AVEN: variants seen among roughly 807,000 people sequenced by gnomAD.
AVEN encodes the protein apoptosis and caspase activation inhibitor, also known as cell death regulator Aven.
In AVEN, 41 loss-of-function variants were observed where a neutral mutation model predicts 38.1. The observed-to-expected ratio is 1.08, with a 90% CI of 0.84 to 1.40. The LOEUF (loss-of-function observed/expected upper bound fraction) is 1.40. Among genes scored for constraint, AVEN ranks in the 40% most tolerant of loss-of-function variants. The probability of loss-of-function intolerance (pLI) is 0.00; values close to 1 mark genes in which losing one functional copy is unlikely to be tolerated. For missense variants in AVEN, 605 were observed against 438.8 expected (o/e 1.38, Z -3.38); for synonymous variants, 206 against 171.8 (o/e 1.20, Z -1.56).
intron 2 of AVEN, among the ~76,000 whole-genome samples, chr15:33,927,517 G>T (rs1893668048): frequency 6.6e-6 from 1 of 152,010 alleles, no homozygotes; most frequent in Admixed American, 6.6e-5. Flanking sequence ...ATGATGTTCT[G>T]ATATTTCTCT....
intron 5 of AVEN, among the ~76,000 whole-genome samples, chr15:34,054,168 C>T (rs1370512292): frequency 1.3e-5 from 2 of 151,978 alleles, no homozygotes; most frequent in South Asian, 2.1e-4. Context: ...TATTAAAACT[C>T]GAGAAAACAA....
intron 3 of AVEN, among the ~76,000 whole-genome samples, chr15:33,873,633 T>C (rs1306828015): frequency 6.6e-6 from 1 of 150,484 alleles, no homozygotes; most frequent in African/African-American, 2.4e-5. Flanking sequence ...TTCTCTTACA[T>C]CAACAAGGAA....
chr15:33,911,457 C>T (rs898573973), intron 2 of AVEN, among the ~76,000 whole-genome samples: 8 of 152,200 alleles, frequency 5.3e-5, no homozygotes, highest in Non-Finnish European at 1.0e-4. Context: ...GTTCACATGG[C>T]ATTATATACT....
chr15:34,015,308 C>T (rs1897842198), intron 1 of AVEN, among the ~76,000 whole-genome samples: 1 of 151,932 alleles, frequency 6.6e-6, no homozygotes, highest in African/African-American at 2.4e-5. Flanking sequence ...ACAGTGAAAC[C>T]CCACCTCTAC....
chr15:33,857,694 C>T, downstream of AVEN: 1 of 1,541,624 alleles, frequency 6.5e-7, no homozygotes, highest in East Asian at 2.3e-5. Context: ...CTCACTCTTC[C>T]TCCTCGTTTT....
chr15:33,863,691 A>G (rs1889363780), downstream of AVEN, among the ~76,000 whole-genome samples: 1 of 152,218 alleles, frequency 6.6e-6, no homozygotes, highest in Non-Finnish European at 1.5e-5. Flanking sequence ...TCTCCATGAG[A>G]TTAAATACTT....
chr15:34,014,400 C>T (rs530341607), intron 1 of AVEN, among the ~76,000 whole-genome samples: 7 of 121,056 alleles, frequency 5.8e-5, no homozygotes, highest in South Asian at 2.6e-4. Context: ...ACAAAAACCA[C>T]GTTTGAGGAT....
At chr15:33,873,771 CTTA>C (rs1891104747) in intron 3 of AVEN, among the ~76,000 whole-genome samples, 1 of 152,056 alleles carries the variant, frequency 6.6e-6, no homozygotes, top group South Asian at 2.1e-4. Context: ...TCTTTCTGCT[CTTA>C]TTTTTTTCCA....
intron 1 of AVEN, among the ~76,000 whole-genome samples, chr15:34,071,398 C>G (rs565136869): frequency 1.2e-4 from 19 of 152,282 alleles, no homozygotes; most frequent in African/African-American, 4.6e-4. Context: ...CTCAGCCTCC[C>G]AAGTAGCTGG....
At chr15:33,887,919 C>A (rs1404049098) in intron 2 of AVEN, among the ~76,000 whole-genome samples, 1 of 152,094 alleles carries the variant, frequency 6.6e-6, no homozygotes, top group Admixed American at 6.5e-5. Flanking sequence ...GCTTCCGGGT[C>A]CAATGCCTGG....
At chr15:33,893,926 A>T (rs559692894) in intron 2 of AVEN, among the ~76,000 whole-genome samples, 2 of 151,112 alleles carry the variant, frequency 1.3e-5, no homozygotes, top group African/African-American at 4.9e-5. Context: ...AAAGAATGAG[A>T]AGGAGGAGCA....
chr15:33,974,983 A>C (rs1467405605), intron 2 of AVEN, among the ~76,000 whole-genome samples: 1 of 152,186 alleles, frequency 6.6e-6, no homozygotes, highest in Non-Finnish European at 1.5e-5. Flanking sequence ...GAAGGAAAAA[A>C]AGAACAACAG....
chr15:33,932,336 G>C (rs1027730742), intron 2 of AVEN, among the ~76,000 whole-genome samples: 15 of 152,258 alleles, frequency 9.9e-5, no homozygotes, highest in Admixed American at 5.2e-4. Flanking sequence ...CAGTGATCTT[G>C]TCAGTTCTAA....
At chr15:34,075,212 C>T (rs1441895101), upstream of AVEN, among the ~76,000 whole-genome samples, 1 of 146,574 alleles carries the variant, frequency 6.8e-6, no homozygotes, top group East Asian at 2.0e-4. Flanking sequence ...AAAGAACTAC[C>T]TGAAACTGGG....
chr15:34,075,156 TG>T (rs1465416241), upstream of AVEN, among the ~76,000 whole-genome samples: 1 of 118,534 alleles, frequency 8.4e-6, no homozygotes, highest in Non-Finnish European at 1.6e-5. Context: ...CACTCCAGCC[TG>T]GGCAAAAGAG....
At chr15:33,872,263 G>T (rs1425319779) in intron 3 of AVEN, among the ~76,000 whole-genome samples, 1 of 152,236 alleles carries the variant, frequency 6.6e-6, no homozygotes. Flanking sequence ...CTGCAAGCCT[G>T]AAGCTTCCTC....
intron 2 of AVEN, among the ~76,000 whole-genome samples, chr15:33,921,862 C>G (rs1301156250): frequency 1.3e-5 from 2 of 152,078 alleles, no homozygotes; most frequent in Non-Finnish European, 2.9e-5. Flanking sequence ...TCTGCTCAGG[C>G]TGGAGGGAGA....
intron 2 of AVEN, among the ~76,000 whole-genome samples, chr15:33,937,573 C>T (rs557466463): frequency 2.6e-5 from 4 of 151,964 alleles, no homozygotes; most frequent in African/African-American, 9.7e-5. Context: ...AAATGGTATC[C>T]CCCCAAAATT....
At chr15:33,906,824 G>A (rs1449684793) in intron 2 of AVEN, among the ~76,000 whole-genome samples, 1 of 152,148 alleles carries the variant, frequency 6.6e-6, no homozygotes, top group Non-Finnish European at 1.5e-5. Flanking sequence ...GATGATGGTT[G>A]CATAGCAGTG....
Sources: allele counts gnomAD v4.1 joint callset (sites outside exome capture counted in the v4.1 genomes callset), GRCh38; gene constraint gnomAD v4.1.1; transcripts MANE v1.5; gene names NCBI Gene and HGNC (gene_info 2026-07-23, HGNC 2026-07-21).